The following MAPKAP1 variants were observed in gnomAD, a reference collection of about 807,000 sequenced individuals.
MAPKAP1 encodes target of rapamycin complex 2 subunit MAPKAP1.
Under a neutral mutation model 65.7 loss-of-function variants are expected in MAPKAP1, and 20 were observed. The ratio of observed to expected loss-of-function variants is 0.30; its 90% CI spans 0.21 to 0.44. The LOEUF is 0.44. Ranked by LOEUF, MAPKAP1 falls within the 20% of genes least tolerant of loss-of-function variation. The pLI, the probability that MAPKAP1 is intolerant of heterozygous loss-of-function variation, is 1.00. For missense variants in MAPKAP1, 423 were observed against 648.0 expected (o/e 0.65, Z 3.77); for synonymous variants, 222 against 244.3 (o/e 0.91, Z 0.85).
At chr9:125,622,901 T>G (rs1294982050) in intron 4 of MAPKAP1, among the ~76,000 whole-genome samples, 7 of 151,812 alleles carry the variant, frequency 4.6e-5, no homozygotes, top group Non-Finnish European at 1.0e-4. Flanking sequence ...CACTGCAACC[T>G]CCCTGCCTGA....
At chr9:125,549,013 C>T (rs371499655) in intron 6 of MAPKAP1, among the ~76,000 whole-genome samples, 2 of 152,180 alleles carry the variant, frequency 1.3e-5, no homozygotes, top group South Asian at 2.1e-4. Flanking sequence ...CCTCCACAGC[C>T]GCAAAGGGAG....
chr9:125,698,687 T>G (rs914162933), intron 1 of MAPKAP1, among the ~76,000 whole-genome samples: 4 of 152,004 alleles, frequency 2.6e-5, no homozygotes, highest in African/African-American at 9.7e-5. Context: ...TTCTCTAAGC[T>G]TCAGTTTCGG....
chr9:125,652,342 TTGCCAC>T, intron 4 of MAPKAP1: 1 of 881,076 alleles, frequency 1.1e-6, no homozygotes, highest in Non-Finnish European at 1.4e-6. Context: ...TATGTGTTAA[TTGCCAC>T]AGCATTCATA....
intron 4 of MAPKAP1, among the ~76,000 whole-genome samples, chr9:125,652,604 C>G (rs1178599169): frequency 6.6e-6 from 1 of 152,200 alleles, no homozygotes; most frequent in African/African-American, 2.4e-5. Context: ...TGAACCAGAA[C>G]TGGTTTGCTC....
At chr9:125,567,449 GT>G (rs1831093379) in intron 5 of MAPKAP1, 1 of 152,190 alleles carries the variant, frequency 6.6e-6, no homozygotes, top group Non-Finnish European at 1.5e-5. Flanking sequence ...CGCCATGACA[GT>G]TTACAAATGC....
intron 4 of MAPKAP1, among the ~76,000 whole-genome samples, chr9:125,617,020 T>C (rs1267901747): frequency 6.6e-6 from 1 of 152,244 alleles, no homozygotes; most frequent in Non-Finnish European, 1.5e-5. Flanking sequence ...GTGCACTTAA[T>C]ATGCATGTTA....
At chr9:125,462,513 G>A (rs754418893) in intron 10 of MAPKAP1, among the ~76,000 whole-genome samples, 3 of 152,180 alleles carry the variant, frequency 2.0e-5, no homozygotes, top group Non-Finnish European at 4.4e-5. Flanking sequence ...GGCTAAGGTG[G>A]GATGCAGAGG....
At chr9:125,664,300 T>C (rs1397073648) in intron 3 of MAPKAP1, among the ~76,000 whole-genome samples, 1 of 151,164 alleles carries the variant, frequency 6.6e-6, no homozygotes, top group African/African-American at 2.4e-5. Context: ...TGAGCCGAGA[T>C]CATGCTACTG....
intron 4 of MAPKAP1, among the ~76,000 whole-genome samples, chr9:125,586,762 G>A (rs767749262): frequency 6.6e-6 from 1 of 152,070 alleles, no homozygotes; most frequent in African/African-American, 2.4e-5. Context: ...CATGCAATAT[G>A]TTCACCACAC....
intron 3 of MAPKAP1, among the ~76,000 whole-genome samples, chr9:125,661,749 A>C (rs776628199): frequency 5.3e-5 from 8 of 152,212 alleles, no homozygotes; most frequent in Non-Finnish European, 1.0e-4. Context: ...AAGCCATGTC[A>C]ATGTTTTAAA....
In MAPKAP1 at chr9:125,660,718, C is replaced by T. The variant is rs10986829; in HGVS notation, c.350-2919G>A. On this transcript the variant is annotated intron_variant, in intron 3 of 11. Transcript: ENST00000265960. ...AGTCATCCTGACTTCTCACATCCTA[C>T]CCATCAACCGACACTTCAAAAGCTA... Among the ~76,000 whole-genome samples, 676 of 152,314 alleles carry T rather than the reference C, an allele frequency of 4.4e-3. 1 individual carries two copies. The highest frequency in any genetic ancestry group is 7.3e-3 in the Non-Finnish European group (498 of 68,024).
chr9:125,526,930 C>A (rs1169836575), intron 7 of MAPKAP1, among the ~76,000 whole-genome samples: 1 of 147,398 alleles, frequency 6.8e-6, no homozygotes, highest in Non-Finnish European at 1.5e-5. Flanking sequence ...TGTGCCACCA[C>A]GCCCAGCTAA....
At chr9:125,477,386 G>C (rs1854148732) in intron 9 of MAPKAP1, among the ~76,000 whole-genome samples, 1 of 152,210 alleles carries the variant, frequency 6.6e-6, no homozygotes, top group Non-Finnish European at 1.5e-5. Flanking sequence ...TGCCCAGTCA[G>C]TAAAAACAAG....
intron 4 of MAPKAP1, among the ~76,000 whole-genome samples, chr9:125,617,448 C>T (rs1040748202): frequency 6.6e-6 from 1 of 152,104 alleles, no homozygotes; most frequent in African/African-American, 2.4e-5. Context: ...GCAACAGAGA[C>T]CCTATCTCAA....
intron 10 of MAPKAP1, among the ~76,000 whole-genome samples, chr9:125,462,465 C>T (rs1853532866): frequency 6.6e-6 from 1 of 152,228 alleles, no homozygotes; most frequent in Non-Finnish European, 1.5e-5. Context: ...GTTTAGGGAA[C>T]CCAGCATCTG....
chr9:125,576,959 A>C (rs1434288465), intron 5 of MAPKAP1, among the ~76,000 whole-genome samples: 1 of 151,980 alleles, frequency 6.6e-6, no homozygotes, highest in African/African-American at 2.4e-5. Flanking sequence ...GGAAGTGAGG[A>C]GCGTCTCTGC....
intron 9 of MAPKAP1, among the ~76,000 whole-genome samples, chr9:125,477,841 A>G (rs1854166302): frequency 6.6e-6 from 1 of 152,220 alleles, no homozygotes; most frequent in Non-Finnish European, 1.5e-5. Flanking sequence ...GGTTAGGCAC[A>G]CAGGATCAGG....
chr9:125,454,003 T>C (rs1424348638), intron 10 of MAPKAP1, among the ~76,000 whole-genome samples: 2 of 152,248 alleles, frequency 1.3e-5, no homozygotes, highest in Admixed American at 1.3e-4. Flanking sequence ...CAATATTCAT[T>C]TGAATAACCA....
At chr9:125,591,735 T>G (rs536496158) in intron 4 of MAPKAP1, among the ~76,000 whole-genome samples, 1 of 152,256 alleles carries the variant, frequency 6.6e-6, no homozygotes, top group South Asian at 2.1e-4. Context: ...GTCCCTAAGT[T>G]GCAATATTTA....
Sources: allele counts gnomAD v4.1 joint callset (sites outside exome capture counted in the v4.1 genomes callset), GRCh38; gene constraint gnomAD v4.1.1; transcripts MANE v1.5; gene names NCBI Gene and HGNC (gene_info 2026-07-23, HGNC 2026-07-21).